Variants in DENND2B observed in about 807,000 individuals in gnomAD.
DENND2B encodes DENN domain containing 2B, also known as DENN domain-containing protein 2B.
A neutral mutation model predicts 116.0 loss-of-function variants in DENND2B; 32 were observed. That is an observed-to-expected ratio of 0.28 (90% CI 0.21 to 0.37). The LOEUF is 0.37. Ranked by LOEUF, DENND2B falls within the 10% of genes least tolerant of loss-of-function variation. DENND2B has a pLI of 1.00. For synonymous variants in DENND2B, 588 were observed against 583.9 expected (o/e 1.01, Z -0.10); for missense variants, 1,276 against 1,477.7 (o/e 0.86, Z 2.24).
chr11:8,878,765 T>C, intron 2 of DENND2B, among the ~76,000 whole-genome samples: 1 of 152,156 alleles, frequency 6.6e-6, no homozygotes, highest in Non-Finnish European at 1.5e-5. Flanking sequence ...ATACATGCAA[T>C]GTGAGTGAGA....
chr11:8,842,441 G>A (rs1333223507), intron 3 of DENND2B, among the ~76,000 whole-genome samples: 2 of 152,124 alleles, frequency 1.3e-5, no homozygotes, highest in African/African-American at 4.8e-5. Context: ...GAATTATTAG[G>A]TGGCTCAGGG....
intron 2 of DENND2B, among the ~76,000 whole-genome samples, chr11:8,745,441 G>A (rs915365688): frequency 3.9e-5 from 6 of 152,168 alleles, no homozygotes; most frequent in Non-Finnish European, 7.3e-5. Context: ...GAGATTTTAG[G>A]GGAGAGAGTG....
intron 2 of DENND2B, among the ~76,000 whole-genome samples, chr11:8,877,787 T>G (rs750872244): frequency 1.3e-5 from 2 of 152,212 alleles, no homozygotes; most frequent in Non-Finnish European, 2.9e-5. Context: ...AAATCACGAT[T>G]GTATCTGTAG....
At chr11:8,858,749 C>T (rs117507183) in intron 2 of DENND2B, among the ~76,000 whole-genome samples, 3,437 of 152,272 alleles carry the variant, frequency 0.023, 50 homozygotes, top group Non-Finnish European at 0.036. Flanking sequence ...CTGAACCAGT[C>T]GAGGGCTTGG....
chr11:8,767,824 T>C (rs1050394615), intron 1 of DENND2B, among the ~76,000 whole-genome samples: 2 of 152,152 alleles, frequency 1.3e-5, no homozygotes, highest in South Asian at 4.2e-4. Context: ...ATTCTTAGAG[T>C]TGACTAAAAA....
chr11:8,836,967 T>C (rs2062453769), intron 4 of DENND2B, among the ~76,000 whole-genome samples: 1 of 152,118 alleles, frequency 6.6e-6, no homozygotes, highest in Non-Finnish European at 1.5e-5. Flanking sequence ...CTGTCTGTCT[T>C]AGCCTCCCGA....
In DENND2B at chr11:8,714,167, TGGTCAG is replaced by T. The variant is rs1592588352; in HGVS notation, c.1943-131_1943-126del. On this transcript the variant is annotated intron_variant, in intron 7 of 19. Transcript: ENST00000313726. The stretch of plus-strand genomic sequence containing the variant: ...CCTTCTCTGGGCTACTCTGGGCCCA[TGGTCAG>T]GCATCTGCAGGCAGGGAGCTGAGTG... 3.1e-6 allele frequency: 3 copies of T among 975,536 alleles called. No individual in the cohort carries two copies. In the East Asian group the frequency reaches 7.2e-5, roughly 23 times the overall value. 60.4% of individuals were successfully genotyped at this position (975,536 alleles called of 1,614,324 possible). A position where few individuals can be genotyped will look rare whatever the true frequency, so the allele number is the denominator to read the frequency against.
At chr11:8,777,324 G>A (rs2057852781) in intron 1 of DENND2B, among the ~76,000 whole-genome samples, 1 of 152,174 alleles carries the variant, frequency 6.6e-6, no homozygotes, top group African/African-American at 2.4e-5. Context: ...AACCCAGAGG[G>A]TAATCCTAAT....
chr11:8,875,240 G>A (rs1263867116), upstream of DENND2B, among the ~76,000 whole-genome samples: 3 of 150,326 alleles, frequency 2.0e-5, no homozygotes, highest in Non-Finnish European at 3.0e-5. Flanking sequence ...GGAGAATGGC[G>A]TGAATCCAGG....
chr11:8,736,755 A>G (rs936911161), intron 2 of DENND2B, among the ~76,000 whole-genome samples: 1 of 152,176 alleles, frequency 6.6e-6, no homozygotes, highest in South Asian at 2.1e-4. Context: ...GAGTGGAGGG[A>G]AACAATGAAG....
At chr11:8,904,928 C>T (rs2064216799) in intron 1 of DENND2B, among the ~76,000 whole-genome samples, 1 of 152,054 alleles carries the variant, frequency 6.6e-6, no homozygotes, top group African/African-American at 2.4e-5. Context: ...GACAGACATT[C>T]CATGTTCATA....
intron 1 of DENND2B, among the ~76,000 whole-genome samples, chr11:8,796,148 C>T (rs2059791523): frequency 1.3e-5 from 2 of 152,204 alleles, no homozygotes; most frequent in South Asian, 4.1e-4. Context: ...ATCTCATGAA[C>T]ACCAAGGAAT....
intron 4 of DENND2B, among the ~76,000 whole-genome samples, chr11:8,836,980 T>C (rs558572546): frequency 6.6e-6 from 1 of 152,320 alleles, no homozygotes; most frequent in African/African-American, 2.4e-5. Flanking sequence ...CCTCCCGAAG[T>C]GCTGGGATTA....
intron 16 of DENND2B, among the ~76,000 whole-genome samples, chr11:8,698,298 G>A (rs1009545515): frequency 5.9e-5 from 9 of 152,130 alleles, no homozygotes; most frequent in African/African-American, 2.2e-4. Context: ...CAGGGGGACT[G>A]TGGCCAGCCT....
intron 1 of DENND2B, among the ~76,000 whole-genome samples, chr11:8,803,135 AG>A (rs1565983454): frequency 6.6e-6 from 1 of 152,220 alleles, no homozygotes; most frequent in African/African-American, 2.4e-5. Flanking sequence ...CTGTACTCCC[AG>A]CACTTTGGAA....
At chr11:8,901,721 A>G (rs1427559875) in intron 1 of DENND2B, among the ~76,000 whole-genome samples, 6 of 152,116 alleles carry the variant, frequency 3.9e-5, no homozygotes, top group African/African-American at 1.4e-4. Context: ...TCTATGACCC[A>G]TGGATTATTT....
chr11:8,897,845 G>T (rs1166731365), intron 1 of DENND2B, among the ~76,000 whole-genome samples: 1 of 152,108 alleles, frequency 6.6e-6, no homozygotes, highest in African/African-American at 2.4e-5. Flanking sequence ...GAGCACAGTG[G>T]CACAATTACA....
intron 11 of DENND2B, chr11:8,708,355 CAAG>C (rs2042979883): frequency 1.0e-6 from 1 of 984,480 alleles, no homozygotes; most frequent in Non-Finnish European, 1.2e-6. Flanking sequence ...AAACTGAAAA[CAAG>C]AGATGGGAGC....
intron 1 of DENND2B, among the ~76,000 whole-genome samples, chr11:8,886,612 T>C (rs1027505543): frequency 1.3e-5 from 2 of 151,502 alleles, no homozygotes; most frequent in African/African-American, 4.8e-5. Flanking sequence ...ACTAGCATCA[T>C]AGACACAACA....
Sources: allele counts gnomAD v4.1 joint callset (sites outside exome capture counted in the v4.1 genomes callset), GRCh38; gene constraint gnomAD v4.1.1; transcripts MANE v1.5; gene names NCBI Gene and HGNC (gene_info 2026-07-23, HGNC 2026-07-21).